Variants in ZNF782 observed in about 807,000 individuals in gnomAD.
ZNF782 encodes zinc finger protein 782.
In ZNF782, 12 loss-of-function variants were observed where a neutral mutation model predicts 13.0. The observed-to-expected ratio is 0.92, with a 90% CI of 0.59 to 1.50. The LOEUF is 1.50. ZNF782 is among the 40% of genes most tolerant of loss of function. ZNF782 has a pLI of 0.00. For synonymous variants in ZNF782, 284 were observed against 283.0 expected, an observed-to-expected ratio of 1.00 and a Z score of -0.04; for missense variants, 770 against 822.9, an observed-to-expected ratio of 0.94 and a Z score of 0.79.
Position 96,819,096 on chromosome 9 carries a change from C to T in ZNF782, c.927G>A (p.Gly309=). Residue 309 remains glycine, a synonymous_variant, in exon 6 of 6, where the codon GGG becomes GGA. Coordinates refer to ENST00000481138, the MANE Select transcript of ZNF782 (RefSeq NM_001001662.3). ...TTTTTCCATATTCAAAGGGTTTCACCCCTATATGAACTCTATGATGTTCTC... is the reference window on the plus strand; with the variant it reads ...TTTTTCCATATTCAAAGGGTTTCACTCCTATATGAACTCTATGATGTTCTC... ...HIREHHRVHI[G]VKPFEYGKSF... The T allele has an allele frequency of 6.2e-7, 1 of 1,613,948 alleles. No individual in the cohort carries two copies.
At position 96,819,634 on chromosome 9, in the gene ZNF782, C is replaced by T. The variant is rs7870376; in HGVS notation, c.389G>A (p.Arg130His). The change falls in exon 6 of 6, where the codon CGT becomes CAT. Residue 130 changes from arginine to histidine, a missense_variant. Physicochemically the swap from Arg to His is conservative, Grantham distance 29. Transcript: ENST00000481138. ...KPHNRDINIF[R>H]ARMMPCKCDI... ...ACATTTACAAGGCATCATTCTTGCA[C>T]GAAAAATGTTTATGTCTCGATTATG... is the stretch of plus-strand genomic sequence containing the variant. 1,941 of 1,613,844 alleles carry T rather than the reference C, an allele frequency of 1.2e-3. 1 individual carries two copies. The highest frequency in any genetic ancestry group is 1.3e-3 in the Non-Finnish European group (1,557 of 1,179,998).
At chr9:96,873,764 G>A (rs1402747591) in intron 1 of ZNF782, among the ~76,000 whole-genome samples, 1 of 152,184 alleles carries the variant, frequency 6.6e-6, no homozygotes, top group Non-Finnish European at 1.5e-5. Context: ...CCTTTGGCTT[G>A]AATTCTAGAA....
At chr9:96,857,077 G>T (rs1032046311), upstream of ZNF782, among the ~76,000 whole-genome samples, 21 of 152,164 alleles carry the variant, frequency 1.4e-4, no homozygotes, top group African/African-American at 3.4e-4. Context: ...ATTAACATTT[G>T]CTCACTATCA....
rs568817585 is a variant in ZNF782, at chr9:96,816,671, T to C, written c.*1252A>G. On this transcript the variant is annotated 3_prime_UTR_variant, in exon 6 of 6. Coordinates refer to ENST00000481138, the MANE Select transcript of ZNF782 (RefSeq NM_001001662.3). ...AAGCTCTGATATAAAATATGATAAT[T>C]TGTTGAAAACTTTTACACATTCAAA... 59 of 152,380 alleles carry C rather than the reference T, an allele frequency of 3.9e-4. No individual in the cohort carries two copies. The highest frequency in any genetic ancestry group is 1.4e-3 in the African/African-American group (58 of 41,584). The allele number at this position is 152,380 out of a possible 1,614,324, so 9.4% of individuals were successfully genotyped here. A position where few individuals can be genotyped will look rare whatever the true frequency, so the allele number is the denominator to read the frequency against.
chr9:96,922,202 AACACTCTACAACATAATT>A, the ZNF782 span, among the ~76,000 whole-genome samples: 1 of 151,650 alleles, frequency 6.6e-6, no homozygotes, highest in Non-Finnish European at 1.5e-5. Context: ...TAATTCTCAC[AACACTCTACAACATAATT>A]GTTACATCAT....
At chr9:96,899,545 T>A in the ZNF782 span, among the ~76,000 whole-genome samples, 1 of 152,208 alleles carries the variant, frequency 6.6e-6, no homozygotes, top group Admixed American at 6.5e-5. Flanking sequence ...ACCAGGTAAT[T>A]TATAAATAAA....
intron 5 of ZNF782, among the ~76,000 whole-genome samples, chr9:96,826,697 C>T (rs893236958): frequency 6.6e-6 from 1 of 152,126 alleles, no homozygotes; most frequent in South Asian, 2.1e-4. Context: ...AGGGGCTCAC[C>T]GTGCCAGCCC....
chr9:96,906,135 A>G, the ZNF782 span, among the ~76,000 whole-genome samples: 2 of 152,282 alleles, frequency 1.3e-5, no homozygotes, highest in African/African-American at 4.8e-5. Flanking sequence ...ACTATGATCC[A>G]GCAATTCTAC....
At chr9:96,893,169 C>T in the ZNF782 span, 26 of 152,302 alleles carry the variant, frequency 1.7e-4, no homozygotes, top group African/African-American at 6.3e-4. Context: ...CTGCCCCTGA[C>T]CAAGTCCTGT....
At chr9:96,910,298 G>A in the ZNF782 span, 1 of 565,040 alleles carries the variant, frequency 1.8e-6, no homozygotes, top group Non-Finnish European at 3.4e-6. Flanking sequence ...TGAGGAAGAG[G>A]ATGGAGATGA....
intron 4 of ZNF782, among the ~76,000 whole-genome samples, chr9:96,834,256 G>A (rs999015176): frequency 7.2e-5 from 11 of 152,186 alleles, no homozygotes; most frequent in African/African-American, 2.4e-4. Context: ...TAGTTCTCAC[G>A]TGAGCTGATG....
Position 96,816,407 on chromosome 9 carries a change from C to T in ZNF782, c.*1516G>A, listed in dbSNP as rs1850170158. On this transcript the variant is annotated 3_prime_UTR_variant, in exon 6 of 6. Transcript: ENST00000481138. ...ACATAAAACAAATACCTGGTAAGTA[C>T]CATGCATATATACATACATAAACAA... 6.6e-6 allele frequency: 1 copy of T among 152,164 alleles called. No homozygotes were observed. The highest frequency in any genetic ancestry group is 6.5e-5 in the Admixed American group (1 of 15,284). 9.4% of individuals were successfully genotyped at this position (152,164 alleles called of 1,614,324 possible). A position where few individuals can be genotyped will look rare whatever the true frequency, so the allele number is the denominator to read the frequency against.
intron 5 of ZNF782, among the ~76,000 whole-genome samples, chr9:96,821,653 G>A (rs979475822): frequency 1.3e-5 from 2 of 150,936 alleles, no homozygotes; most frequent in East Asian, 2.0e-4. Context: ...TTAGTTGTAC[G>A]TCAAATAATA....
At chr9:96,873,110 A>C (rs1024414141) in intron 1 of ZNF782, among the ~76,000 whole-genome samples, 2 of 152,126 alleles carry the variant, frequency 1.3e-5, no homozygotes, top group African/African-American at 2.4e-5. Context: ...GAGTCTAGCC[A>C]CTTAGCTTCA....
the ZNF782 span, chr9:96,895,944 G>T: frequency 6.6e-6 from 1 of 152,188 alleles, no homozygotes; most frequent in African/African-American, 2.4e-5. Context: ...CTGCATTCTT[G>T]TAGAGCTTGC....
At chr9:96,835,787 C>T (rs544390624) in intron 4 of ZNF782, among the ~76,000 whole-genome samples, 1 of 152,306 alleles carries the variant, frequency 6.6e-6, no homozygotes, top group East Asian at 1.9e-4. Context: ...ACCCTATAGG[C>T]CCAGGCAGAG....
At chr9:96,887,334 G>GAAGA in the ZNF782 span, 1 of 136,996 alleles carries the variant, frequency 7.3e-6, no homozygotes, top group African/African-American at 2.8e-5. Flanking sequence ...AGGAAGGAAG[G>GAAGA]AAGGAAGAAA....
chr9:96,867,386 G>A (rs945291497), intron 1 of ZNF782, among the ~76,000 whole-genome samples: 3 of 152,092 alleles, frequency 2.0e-5, no homozygotes, highest in Admixed American at 1.3e-4. Context: ...CTTGCCTTCT[G>A]CCGTGATTGT....
At chr9:96,864,870 A>G (rs1328967601) in intron 1 of ZNF782, among the ~76,000 whole-genome samples, 1 of 140,916 alleles carries the variant, frequency 7.1e-6, no homozygotes, top group Non-Finnish European at 1.5e-5. Flanking sequence ...ATCTCCACAA[A>G]AAGAACTAAA....
Sources: allele counts gnomAD v4.1 joint callset (sites outside exome capture counted in the v4.1 genomes callset), GRCh38; gene constraint gnomAD v4.1.1; transcripts MANE v1.5; gene names NCBI Gene and HGNC (gene_info 2026-07-23, HGNC 2026-07-21).